The following EPHX2 variants were observed in gnomAD, a reference collection of about 807,000 sequenced individuals.
EPHX2 encodes the protein epoxide hydrolase 2.
EPHX2 carries 74 observed loss-of-function variants against 78.7 expected under a neutral mutation model. The ratio of observed to expected loss-of-function variants is 0.94; its 90% confidence interval spans 0.78 to 1.14. The LOEUF is 1.14. Ranked by LOEUF, EPHX2 falls within the 50% of genes most tolerant of loss-of-function variation. The pLI is 0.00. For missense variants in EPHX2, 715 were observed against 702.5 expected, an observed-to-expected ratio of 1.02 and a Z score of -0.20; for synonymous variants, 251 against 255.2, an observed-to-expected ratio of 0.98 and a Z score of 0.16.
At chr8:27,516,831 A>G (rs1481449472) in intron 8 of EPHX2, among the ~76,000 whole-genome samples, 1 of 151,608 alleles carries the variant, frequency 6.6e-6, no homozygotes, top group Non-Finnish European at 1.5e-5. Flanking sequence ...ATCATACAGT[A>G]TTTGTGCTTT....
intron 2 of EPHX2, among the ~76,000 whole-genome samples, chr8:27,502,378 A>G (rs771599168): frequency 6.6e-6 from 1 of 152,196 alleles, no homozygotes; most frequent in Non-Finnish European, 1.5e-5. Flanking sequence ...ACTATTACAA[A>G]TAGTGCTGCT....
Position 27,538,653 on chromosome 8 carries a change from C to T in EPHX2, c.1243-6C>T, listed in dbSNP as rs1163083339. 6.2e-7 allele frequency: 1 copy of T among 1,610,374 alleles called. No individual in the cohort carries two copies. Among genetic ancestry groups the T allele is most frequent in the East Asian group, 2.2e-5 (1 of 44,764 alleles). ...CATTTGTAACTCTTTTCTTTTCTTCCTTCAGAGTGTTTTATCCATGCATAA... is the reference window on the plus strand; with the variant it reads ...CATTTGTAACTCTTTTCTTTTCTTCTTTCAGAGTGTTTTATCCATGCATAA... On this transcript the variant is annotated splice_region_variant and splice_polypyrimidine_tract_variant and intron_variant, in intron 13 of 18. Transcript: ENST00000521400.
At chr8:27,534,497 C>A (rs1171743636) in intron 12 of EPHX2, among the ~76,000 whole-genome samples, 1 of 151,868 alleles carries the variant, frequency 6.6e-6, no homozygotes, top group Non-Finnish European at 1.5e-5. Flanking sequence ...CTAAAAATAC[C>A]AAAAATTAGC....
At chr8:27,519,806 G>A (rs1316381115) in intron 9 of EPHX2, among the ~76,000 whole-genome samples, 2 of 152,172 alleles carry the variant, frequency 1.3e-5, no homozygotes, top group Admixed American at 1.3e-4. Context: ...CTCCTCTCCA[G>A]GATGGTGCTT....
At chr8:27,496,462 A>G (rs992752522) in intron 1 of EPHX2, among the ~76,000 whole-genome samples, 3 of 152,208 alleles carry the variant, frequency 2.0e-5, no homozygotes, top group African/African-American at 7.2e-5. Context: ...GTGCAGGAGA[A>G]TGCAGAGGAA....
intron 2 of EPHX2, among the ~76,000 whole-genome samples, chr8:27,501,798 G>A (rs1813812783): frequency 1.3e-5 from 2 of 152,060 alleles, no homozygotes; most frequent in African/African-American, 4.8e-5. Context: ...CTCCTTTGGT[G>A]GCTTCTGATA....
At position 27,518,015 on chromosome 8, in the gene EPHX2, GTTTCT is replaced by G. The variant is rs1814522209; in HGVS notation, c.911-19_911-15del. The G allele has an allele frequency of 6.4e-7, 1 of 1,559,754 alleles. No homozygotes were observed. The highest frequency in any genetic ancestry group is 1.2e-5 in the South Asian group (1 of 85,526). On this transcript the variant is annotated intron_variant, in intron 8 of 18. Transcript: ENST00000521400. The stretch of plus-strand genomic sequence containing the variant: ...ATTTTAAGTAACGTGAATTAAATAT[GTTTCT>G]TTTATTTTTAATTGCAGAAATAGAA...
intron 12 of EPHX2, among the ~76,000 whole-genome samples, chr8:27,534,966 G>A (rs995212982): frequency 1.3e-5 from 2 of 152,170 alleles, no homozygotes; most frequent in African/African-American, 4.8e-5. Context: ...TCTTGGTGAA[G>A]GTCACAATGT....
intron 2 of EPHX2, among the ~76,000 whole-genome samples, chr8:27,502,669 A>G (rs557539620): frequency 6.6e-6 from 1 of 152,272 alleles, no homozygotes; most frequent in East Asian, 1.9e-4. Flanking sequence ...AGACAGGGGA[A>G]AAAAAGCAAG....
At chr8:27,491,401 TGCCGGA>T (rs1416627753) in intron 1 of EPHX2, 92 bp downstream of exon 1, 2 of 961,380 alleles carry the variant, frequency 2.1e-6, no homozygotes, top group Admixed American at 3.6e-5. Context: ...ATTGCTCCTG[TGCCGGA>T]GCCCTGCGAA....
intron 1 of EPHX2, among the ~76,000 whole-genome samples, chr8:27,495,172 C>A (rs774163618): frequency 6.6e-6 from 1 of 152,194 alleles, no homozygotes; most frequent in Non-Finnish European, 1.5e-5. Flanking sequence ...GGTTAGGAAC[C>A]CCCTTTCCAT....
chr8:27,536,637 A>T, intron 12 of EPHX2, 147 bp from the exon 13 acceptor site: 1 of 752,456 alleles, frequency 1.3e-6, no homozygotes, highest in East Asian at 2.5e-5. Flanking sequence ...ATGTTTTATG[A>T]TGAAAATTCA....
intron 5 of EPHX2, among the ~76,000 whole-genome samples, chr8:27,507,308 G>A (rs556525310): frequency 3.5e-4 from 54 of 152,320 alleles, no homozygotes; most frequent in Non-Finnish European, 4.6e-4. Flanking sequence ...TATGGAGAAC[G>A]TTTACCCTAA....
intron 1 of EPHX2, chr8:27,493,089 A>C (rs184207115): frequency 5.8e-6 from 1 of 173,400 alleles, no homozygotes; most frequent in East Asian, 1.7e-4. Flanking sequence ...TCCATTTGTA[A>C]GACCATCTGT....
intron 9 of EPHX2, 42 bp from the exon 10 acceptor site, chr8:27,520,841 G>A: frequency 6.2e-7 from 1 of 1,613,982 alleles, no homozygotes; most frequent in Non-Finnish European, 8.5e-7. Flanking sequence ...GAGGCAGGCG[G>A]GTGTGGTTGC....
intron 13 of EPHX2, 74 bp from the exon 14 acceptor site, chr8:27,538,585 G>C: frequency 7.2e-6 from 10 of 1,393,766 alleles, no homozygotes; most frequent in Non-Finnish European, 9.0e-6. Context: ...TGTCGTAACA[G>C]GGTTTTCAGA....
intron 6 of EPHX2, 176 bp downstream of exon 6, chr8:27,512,086 A>G: frequency 2.2e-6 from 1 of 463,282 alleles, no homozygotes; most frequent in South Asian, 4.2e-5. Flanking sequence ...CAACGGAGTG[A>G]AACCCTGTCT....
At chr8:27,541,768 G>A (rs1815412019) in intron 16 of EPHX2, among the ~76,000 whole-genome samples, 1 of 152,178 alleles carries the variant, frequency 6.6e-6, no homozygotes, top group Admixed American at 6.5e-5. Context: ...TGGGGATGGA[G>A]CTGGGGTGTG....
chr8:27,532,177 A>G (rs1430545457), intron 12 of EPHX2, among the ~76,000 whole-genome samples: 1 of 151,952 alleles, frequency 6.6e-6, no homozygotes, highest in Non-Finnish European at 1.5e-5. Context: ...GCCCAGGGTA[A>G]TGAAGACCCT....
Sources: gnomAD v4.1 joint callset for allele counts (sites outside exome capture counted in the v4.1 genomes callset) on GRCh38, gnomAD v4.1.1 for gene constraint, MANE v1.5 for transcripts, NCBI Gene and HGNC (gene_info 2026-07-23, HGNC 2026-07-21) for gene names.